The following METTL2A variants were observed in gnomAD, a reference collection of about 807,000 sequenced individuals.
METTL2A encodes tRNA N(3)-cytidine methyltransferase METTL2A.
In METTL2A, 45 loss-of-function variants were observed where a neutral mutation model predicts 49.4. That is an observed-to-expected ratio of 0.91 (90% CI 0.72 to 1.17). The LOEUF (loss-of-function observed/expected upper bound fraction) is 1.17. Ranked by LOEUF, METTL2A falls within the 50% of genes most tolerant of loss-of-function variation. The probability of loss-of-function intolerance (pLI) is 0.00; values close to 1 mark genes in which losing one functional copy is unlikely to be tolerated. For synonymous variants in METTL2A, 118 were observed against 167.5 expected (o/e 0.70, Z 2.28); for missense variants, 361 against 462.2 (o/e 0.78, Z 2.01).
At chr17:62,429,573 G>A (rs369685909) in intron 4 of METTL2A, among the ~76,000 whole-genome samples, 2 of 152,030 alleles carry the variant, frequency 1.3e-5, no homozygotes, top group Admixed American at 6.6e-5. Context: ...TTATATGTGT[G>A]AGCCACCGCG....
At position 62,440,603 on chromosome 17, in the gene METTL2A, C is replaced by G; in HGVS notation, c.670-14C>G. The G allele has an allele frequency of 6.2e-7, 1 of 1,601,778 alleles. No homozygotes were observed. The highest frequency in any genetic ancestry group is 8.5e-7 in the Non-Finnish European group (1 of 1,176,350). On this transcript the variant is annotated splice_polypyrimidine_tract_variant and intron_variant, in intron 5 of 8. Coordinates refer to ENST00000311506, the MANE Select transcript of METTL2A (RefSeq NM_181725.4). The stretch of plus-strand genomic sequence containing the variant: ...ATATTTTCTAACTTACCTGTGTCTT[C>G]CATCTGTCTGCAGACAAATTCAGAA...
At chr17:62,426,068 T>G (rs2070623806) in intron 2 of METTL2A, among the ~76,000 whole-genome samples, 1 of 151,736 alleles carries the variant, frequency 6.6e-6, no homozygotes, top group South Asian at 2.1e-4. Flanking sequence ...CTCTGGTTGA[T>G]TGTTCAAACA....
chr17:62,425,193 T>G (rs2070615181), intron 2 of METTL2A, among the ~76,000 whole-genome samples: 1 of 151,622 alleles, frequency 6.6e-6, no homozygotes, highest in African/African-American at 2.4e-5. Flanking sequence ...CTTGGTTGAT[T>G]CAGCAGGTGA....
chr17:62,425,047 A>T (rs1325892202), intron 2 of METTL2A, among the ~76,000 whole-genome samples: 6 of 149,870 alleles, frequency 4.0e-5, no homozygotes, highest in African/African-American at 1.5e-4. Context: ...GTTGAAAGGG[A>T]TTTTGAAAAT....
rs2070691749 is a variant in METTL2A at position 62,435,118 on chromosome 17, A to G, written c.609-114A>G. The stretch of plus-strand genomic sequence containing the variant: ...ATGTTGTGACTAATAGATACAGTTT[A>G]TTTGAATGAATGATAGTTTTTCCCA... On this transcript the variant is annotated intron_variant, in intron 4 of 8. Coordinates refer to ENST00000311506, the MANE Select transcript of METTL2A (RefSeq NM_181725.4). 6 of 1,459,576 alleles carry G rather than the reference A, an allele frequency of 4.1e-6. No homozygotes were observed. In the African/African-American group the frequency reaches 8.4e-5, roughly 21 times the overall value. 90.4% of individuals were successfully genotyped at this position (1,459,576 alleles called of 1,614,324 possible).
chr17:62,448,646 G>C lies in METTL2A; in HGVS notation c.1054G>C (p.Val352Leu), dbSNP rs2070784774. 1.9e-6 allele frequency: 3 copies of C among 1,614,166 alleles called. No homozygotes were observed. The highest frequency in any genetic ancestry group is 2.5e-6 in the Non-Finnish European group (3 of 1,180,036). ...VQNLVDRRLQ[V>L]NRGKQLTMYR... Reference sequence around the variant, plus strand: ...GAACCTGGTGGATCGCCGACTGCAGGTGAACCGAGGAAAGCAACTGACAAT... The same window carrying C: ...GAACCTGGTGGATCGCCGACTGCAGCTGAACCGAGGAAAGCAACTGACAAT... Residue 352 changes from valine (V) to leucine (L), a missense_variant, in exon 9 of 9, where the codon GTG (valine) becomes CTG (leucine). Physicochemically the swap from Val to Leu is conservative, Grantham distance 32. This residue lies in a region of METTL2A where 183 missense variants were observed against 216.5 expected (regional missense o/e 0.85). Transcript: ENST00000311506.
chr17:62,437,054 G>A (rs116257465), intron 5 of METTL2A, among the ~76,000 whole-genome samples: 5,066 of 145,744 alleles, frequency 0.035, 291 homozygotes, highest in African/African-American at 0.12. Flanking sequence ...GGTTTAAAAA[G>A]AAAGAAAGAA....
intron 2 of METTL2A, among the ~76,000 whole-genome samples, chr17:62,425,835 C>T (rs1307507206): frequency 6.6e-6 from 1 of 150,720 alleles, no homozygotes; most frequent in Non-Finnish European, 1.5e-5. Flanking sequence ...CCCGTCTGTA[C>T]TAAAAAATAC....
At chr17:62,440,962 G>C (rs2070735594) in intron 6 of METTL2A, among the ~76,000 whole-genome samples, 1 of 152,140 alleles carries the variant, frequency 6.6e-6, no homozygotes, top group South Asian at 2.1e-4. Context: ...CGTGCCACCA[G>C]TCCTGGCCAA....
Position 62,451,756 on chromosome 17 carries a change from G to T in METTL2A, c.*3027G>T, listed in dbSNP as rs1341689110. Among the ~76,000 whole-genome samples, 1 of 152,108 alleles carries T rather than the reference G, an allele frequency of 6.6e-6. No individual in the cohort carries two copies. The highest frequency in any genetic ancestry group is 6.5e-5 in the Admixed American group (1 of 15,270). On this transcript the variant is annotated 3_prime_UTR_variant, in exon 9 of 9. Transcript: ENST00000311506. ...AAAATACAAAATAGCCAGGTGTGAT[G>T]GCGCATGCCTGTAACCCCATCCACT...
Position 62,426,613 on chromosome 17 carries a change from G to A in METTL2A, c.517G>A (p.Asp173Asn). ...AATTAGTGACCTGGAAATTTGTGCTGATGAGTTTCCTGGATCCTCAGCCAC... is the reference window on the plus strand; with the variant it reads ...AATTAGTGACCTGGAAATTTGTGCTAATGAGTTTCCTGGATCCTCAGCCAC... The part of the protein sequence containing the change: ...QKISDLEICA[D>N]EFPGSSATYR... The change falls in exon 3 of 9, where the codon GAT becomes AAT. Residue 173 changes from aspartate (D) to asparagine (N), a missense_variant. By Grantham distance (23) the Asp-to-Asn change is conservative. This residue lies in a region of METTL2A where 28 missense variants were observed against 75.6 expected (regional missense o/e 0.37). Transcript: ENST00000311506. 6.4e-7 allele frequency: 1 copy of A among 1,551,730 alleles called. No homozygotes were observed. Among genetic ancestry groups the A allele is most frequent in the Non-Finnish European group, 8.8e-7 (1 of 1,134,580 alleles).
chr17:62,443,893 G>C (rs1480511963), intron 6 of METTL2A, among the ~76,000 whole-genome samples: 4 of 151,980 alleles, frequency 2.6e-5, no homozygotes, highest in Admixed American at 2.6e-4. Flanking sequence ...CATTCATTAT[G>C]CAAAATTTAA....
Position 62,449,127 on chromosome 17 carries a change from T to G in METTL2A, c.*398T>G, listed in dbSNP as rs951059629. On this transcript the variant is annotated 3_prime_UTR_variant, in exon 9 of 9. Coordinates refer to ENST00000311506, the MANE Select transcript of METTL2A (RefSeq NM_181725.4). ...CATTTTGTAACTAATAACTGAAATT[T>G]TATTCAAAGGAATTGTAAACCTTAA... 1.3e-5 allele frequency: 3 copies of G among 230,776 alleles called. No homozygotes were observed. Among genetic ancestry groups the G allele is most frequent in the African/African-American group, 7.1e-5 (3 of 42,230 alleles). 14.3% of individuals were successfully genotyped at this position (230,776 alleles called of 1,614,324 possible). A position where few individuals can be genotyped will look rare whatever the true frequency, so the allele number is the denominator to read the frequency against.
intron 4 of METTL2A, among the ~76,000 whole-genome samples, chr17:62,433,742 CA>C (rs907463434): frequency 0.042 from 5,237 of 124,034 alleles, 271 homozygotes; most frequent in African/African-American, 0.13. Context: ...CCTCGTGTCT[CA>C]AAAAAAAAAA....
At chr17:62,440,019 CT>C (rs60232494) in intron 5 of METTL2A, among the ~76,000 whole-genome samples, 4,428 of 140,980 alleles carry the variant, frequency 0.031, 137 homozygotes, top group African/African-American at 0.08. Flanking sequence ...TTTGCCGTTA[CT>C]TTTTTTTTTT....
Position 62,426,332 on chromosome 17 carries a change from A to C in METTL2A, c.236A>C (p.Asn79Thr). 3.7e-6 allele frequency: 6 copies of C among 1,612,296 alleles called. No homozygotes were observed. The highest frequency in any genetic ancestry group is 4.2e-6 in the Non-Finnish European group (5 of 1,178,536). ...GAGATCAATGCCCACAAATACTGGA[A>C]TGACTTCTACAAAATCCACGAAAAT... ...DYEINAHKYW[N>T]DFYKIHENGF... The change falls in exon 3 of 9, where the codon AAT becomes ACT. Residue 79 changes from asparagine (N) to threonine (T), a missense_variant. Coordinates refer to ENST00000311506, the MANE Select transcript of METTL2A (RefSeq NM_181725.4).
rs1315704419 is a variant in METTL2A at position 62,426,376 on chromosome 17, C to A, written c.280C>A (p.His94Asn). The A allele has an allele frequency of 1.2e-6, 2 of 1,613,762 alleles. No individual in the cohort carries two copies. The highest frequency in any genetic ancestry group is 2.7e-5 in the African/African-American group (2 of 74,884). ...CGAAAATGGGTTTTTCAAGGATAGACATTGGCTTTTTACCGAATTCCCTGA... is the reference window on the plus strand; with the variant it reads ...CGAAAATGGGTTTTTCAAGGATAGAAATTGGCTTTTTACCGAATTCCCTGA... The part of the protein sequence containing the change: ...IHENGFFKDR[H>N]WLFTEFPELA... Residue 94 changes from histidine to asparagine, a missense_variant, in exon 3 of 9, where the codon CAT (histidine) becomes AAT (asparagine). His to Asn is a moderately conservative substitution (Grantham distance 68, BLOSUM62 1). Coordinates refer to ENST00000311506, the MANE Select transcript of METTL2A (RefSeq NM_181725.4).
In METTL2A at chr17:62,426,305, A is replaced by G. The variant is rs762330163; in HGVS notation, c.209A>G (p.Tyr70Cys). Residue 70 changes from tyrosine to cysteine, a missense_variant, in exon 3 of 9, where the codon TAT (tyrosine) becomes TGT (cysteine). Physicochemically the swap from Tyr to Cys is radical, Grantham distance 194 (BLOSUM62 -2). Around this residue, in one of 3 missense-constraint regions of METTL2A, gnomAD observed 150 missense variants for 170.1 expected, o/e 0.88. Transcript: ENST00000311506. ...TTTTCTTAAATATTTACAGTTGATTATGAGATCAATGCCCACAAATACTGG... is the reference window on the plus strand; with the variant it reads ...TTTTCTTAAATATTTACAGTTGATTGTGAGATCAATGCCCACAAATACTGG... ...QRVCQEKQVDYEINAHKYWND... is the reference protein window; with the variant it reads ...QRVCQEKQVDCEINAHKYWND... 5 of 1,590,020 alleles carry G rather than the reference A, an allele frequency of 3.1e-6. No homozygotes were observed. Among genetic ancestry groups the G allele is most frequent in the Non-Finnish European group, 4.3e-6 (5 of 1,164,054 alleles).
At chr17:62,445,420 GA>G (rs2070762348) in intron 7 of METTL2A, among the ~76,000 whole-genome samples, 1 of 151,948 alleles carries the variant, frequency 6.6e-6, no homozygotes, top group South Asian at 2.1e-4. Context: ...TATTTTTTAA[GA>G]AAACTGAAGA....
Sources: allele counts gnomAD v4.1 joint callset (sites outside exome capture counted in the v4.1 genomes callset), GRCh38; gene constraint gnomAD v4.1.1; regional missense constraint gnomAD v4.1.1; transcripts MANE v1.5; gene names NCBI Gene and HGNC (gene_info 2026-07-23, HGNC 2026-07-21).